CCDC50: variants seen among roughly 807,000 people sequenced by gnomAD.
CCDC50 encodes coiled-coil domain containing 50, also known as coiled-coil domain-containing protein 50.
A neutral mutation model predicts 70.2 loss-of-function variants in CCDC50; 54 were observed. That is an observed-to-expected ratio of 0.77 (90% confidence interval 0.62 to 0.96). The LOEUF (loss-of-function observed/expected upper bound fraction) is 0.96. Among genes scored for constraint, CCDC50 ranks in the 50% least tolerant of loss-of-function variants. The probability of loss-of-function intolerance (pLI) is 0.00; values close to 1 mark genes in which losing one functional copy is unlikely to be tolerated. For missense variants in CCDC50, 558 were observed against 578.7 expected (o/e 0.96, Z 0.37); for synonymous variants, 216 against 198.8 (o/e 1.09, Z -0.73).
At position 191,358,164 on chromosome 3, in the gene CCDC50, T is replaced by C. The variant is rs777152360; in HGVS notation, c.239+40T>C. ...GGTGGGAGGGGTGATGCAAGACTGG[T>C]TTTCTCTGTGGAGCTAGCAACCAGG... On this transcript the variant is annotated intron_variant, in intron 3 of 11. Coordinates refer to ENST00000392455, the MANE Select transcript of CCDC50 (RefSeq NM_178335.3). 8.1e-6 allele frequency: 13 copies of C among 1,612,494 alleles called. No individual in the cohort carries two copies. The East Asian group carries it at 2.7e-4, about 33-fold the overall frequency.
chr3:191,351,359 A>G (rs1318770636), intron 1 of CCDC50, among the ~76,000 whole-genome samples: 1 of 141,990 alleles, frequency 7.0e-6, no homozygotes, highest in African/African-American at 2.5e-5. Flanking sequence ...AGACATTCAA[A>G]TCAATGTTGA....
Position 191,357,143 on chromosome 3 carries a change from A to G in CCDC50, c.105A>G (p.Glu35=). 2 of 1,613,406 alleles carry G rather than the reference A, an allele frequency of 1.2e-6. No individual in the cohort carries two copies. The highest frequency in any genetic ancestry group is 1.7e-6 in the Non-Finnish European group (2 of 1,179,434). ...ACACCCTGGCTCACAGCCTGCAGGA[A>G]CAAGAGAGTGAGTAATACCTCTCAT... is the stretch of plus-strand genomic sequence containing the variant. The part of the protein sequence containing the change: ...EDHTLAHSLQ[E]QEIEHHLASN... The change falls in exon 2 of 12, where the codon GAA becomes GAG. Residue 35 remains glutamate (E), a synonymous_variant. Coordinates refer to ENST00000392455, the MANE Select transcript of CCDC50 (RefSeq NM_178335.3).
At chr3:191,389,668 G>A (rs1273290014) in intron 11 of CCDC50, 66 bp downstream of exon 11, 7 of 1,229,848 alleles carry the variant, frequency 5.7e-6, no homozygotes, top group African/African-American at 1.5e-5. Flanking sequence ...TGTTGTAGTG[G>A]AAAAATCAAA....
At position 191,347,973 on chromosome 3, in the gene CCDC50, A is replaced by G. The variant is rs1315807585; in HGVS notation, c.50-9115A>G. 1.4e-5 allele frequency among the ~76,000 whole-genome samples: 2 copies of G among 142,558 alleles called. 1 individual carries two copies. Among genetic ancestry groups the G allele is most frequent in the African/African-American group, 5.0e-5 (2 of 39,914 alleles). 93.5% of individuals were successfully genotyped at this position (142,558 alleles called of 152,430 possible). Reference sequence around the variant, plus strand: ...CTGGGCACTGGGATAAATGTTGGAGATAAAATGATCCATAATATTTTTCTT... The same window carrying G: ...CTGGGCACTGGGATAAATGTTGGAGGTAAAATGATCCATAATATTTTTCTT... On this transcript the variant is annotated intron_variant, in intron 1 of 11. Coordinates refer to ENST00000392455, the MANE Select transcript of CCDC50 (RefSeq NM_178335.3).
intron 4 of CCDC50, among the ~76,000 whole-genome samples, chr3:191,363,265 G>A (rs1369754471): frequency 2.0e-5 from 3 of 152,174 alleles, no homozygotes; most frequent in African/African-American, 7.2e-5. Context: ...GTAAGTGACT[G>A]ATTCCAAGTT....
At chr3:191,336,175 T>C (rs1267817984) in intron 1 of CCDC50, among the ~76,000 whole-genome samples, 1 of 151,904 alleles carries the variant, frequency 6.6e-6, no homozygotes, top group Admixed American at 6.6e-5. Context: ...TGAACATAAG[T>C]TTTTGTTTCC....
At chr3:191,369,533 A>C (rs926462763) in intron 4 of CCDC50, among the ~76,000 whole-genome samples, 1 of 152,144 alleles carries the variant, frequency 6.6e-6, no homozygotes, top group African/African-American at 2.4e-5. Flanking sequence ...TTCTTTTCAA[A>C]AGTTTTTAAA....
intron 1 of CCDC50, among the ~76,000 whole-genome samples, chr3:191,355,452 C>T (rs1047823824): frequency 8.6e-5 from 13 of 152,014 alleles, no homozygotes; most frequent in Admixed American, 8.5e-4. Context: ...CTATTCTTAC[C>T]ATGATTTACC....
intron 1 of CCDC50, among the ~76,000 whole-genome samples, chr3:191,354,636 C>T (rs980678743): frequency 6.6e-6 from 1 of 152,070 alleles, no homozygotes; most frequent in Non-Finnish European, 1.5e-5. Flanking sequence ...ACATTTTGAC[C>T]TAGTACCTAT....
rs1172162069 is a variant in CCDC50, at chr3:191,386,248, G to A, written c.1323-3248G>A. On this transcript the variant is annotated intron_variant, in intron 10 of 11. Transcript: ENST00000392455. Reference sequence around the variant, plus strand: ...TTTTTTTTTTTTTTTTTTTTGAGACGGAGTCTCACTCTGCCACCCAGGCTG... The same window carrying A: ...TTTTTTTTTTTTTTTTTTTTGAGACAGAGTCTCACTCTGCCACCCAGGCTG... 1.8e-4 allele frequency among the ~76,000 whole-genome samples: 21 copies of A among 116,662 alleles called. No individual in the cohort carries two copies. In the Admixed American group the frequency reaches 1.9e-3, roughly 11 times the overall value. The allele number at this position is 116,662 out of a possible 152,430, so 76.5% of individuals were successfully genotyped here.
intron 10 of CCDC50, among the ~76,000 whole-genome samples, chr3:191,383,932 T>C (rs952491383): frequency 1.3e-5 from 2 of 152,200 alleles, no homozygotes; most frequent in Non-Finnish European, 2.9e-5. Flanking sequence ...AGTAAATACA[T>C]CTGGATTATT....
At chr3:191,373,366 G>A (rs1265678134) in intron 5 of CCDC50, among the ~76,000 whole-genome samples, 5 of 152,076 alleles carry the variant, frequency 3.3e-5, no homozygotes, top group Admixed American at 3.3e-4. Flanking sequence ...AATTCCTGCA[G>A]CATATTTCCT....
chr3:191,374,030 A>G (rs1427431070), intron 5 of CCDC50, among the ~76,000 whole-genome samples: 1 of 152,154 alleles, frequency 6.6e-6, no homozygotes, highest in Non-Finnish European at 1.5e-5. Flanking sequence ...GGTTAATTCC[A>G]TCGGGGAATC....
In CCDC50 at chr3:191,357,074, T is replaced by G. The variant is rs770170238; in HGVS notation, c.50-14T>G. On this transcript the variant is annotated splice_polypyrimidine_tract_variant and intron_variant, in intron 1 of 11. Transcript: ENST00000392455. The stretch of plus-strand genomic sequence containing the variant: ...AATGAGCCTTCCTGTCTGTTTTTCC[T>G]CCATCTACTCTAGTATGCCGAGATT... The G allele has an allele frequency of 6.3e-7, 1 of 1,583,086 alleles. No homozygotes were observed. Among genetic ancestry groups the G allele is most frequent in the Non-Finnish European group, 8.7e-7 (1 of 1,152,832 alleles).
intron 1 of CCDC50, 126 bp downstream of exon 1, chr3:191,329,849 G>T (rs1205481362): frequency 2.3e-6 from 2 of 856,460 alleles, no homozygotes; most frequent in Non-Finnish European, 1.7e-6. Flanking sequence ...CGTTGGCCTT[G>T]CCCGGACGTG....
chr3:191,379,858 C>T (rs1251548067), intron 6 of CCDC50, among the ~76,000 whole-genome samples: 1 of 151,840 alleles, frequency 6.6e-6, no homozygotes, highest in Non-Finnish European at 1.5e-5. Flanking sequence ...TTGTATTTTT[C>T]CAGGGCCTCA....
intron 1 of CCDC50, among the ~76,000 whole-genome samples, chr3:191,345,886 T>C (rs185210521): frequency 3.5e-4 from 53 of 152,316 alleles, no homozygotes; most frequent in African/African-American, 1.2e-3. Context: ...AAACTTATGC[T>C]TATTACCCTT....
chr3:191,355,801 T>G (rs887897516), intron 1 of CCDC50, among the ~76,000 whole-genome samples: 6 of 152,238 alleles, frequency 3.9e-5, no homozygotes. Flanking sequence ...TTAAGCAGGT[T>G]GTATCCAGTT....
intron 1 of CCDC50, among the ~76,000 whole-genome samples, chr3:191,332,639 A>G (rs959470523): frequency 6.6e-6 from 1 of 152,226 alleles, no homozygotes; most frequent in Non-Finnish European, 1.5e-5. Context: ...TGTTTCAACA[A>G]TATTCTGAAA....
Sources: allele counts gnomAD v4.1 joint callset (sites outside exome capture counted in the v4.1 genomes callset), GRCh38; gene constraint gnomAD v4.1.1; transcripts MANE v1.5; gene names NCBI Gene and HGNC (gene_info 2026-07-23, HGNC 2026-07-21).